STAG1: variants seen among roughly 807,000 people sequenced by gnomAD.
The protein encoded by STAG1 is STAG1 cohesin complex component.
In STAG1, 26 loss-of-function variants were observed where a neutral mutation model predicts 170.9. That is an observed-to-expected ratio of 0.15 (90% CI 0.11 to 0.21). The LOEUF is 0.21. Ranked by LOEUF, STAG1 falls within the 10% of genes least tolerant of loss-of-function variation. STAG1 has a pLI of 1.00. For missense variants in STAG1, 964 were observed against 1,509.5 expected, an observed-to-expected ratio of 0.64 and a Z score of 5.99; for synonymous variants, 514 against 497.7, an observed-to-expected ratio of 1.03 and a Z score of -0.44.
At chr3:136,660,941 C>G (rs1435862208) in intron 1 of STAG1, among the ~76,000 whole-genome samples, 2 of 152,004 alleles carry the variant, frequency 1.3e-5, no homozygotes, top group South Asian at 2.1e-4. Context: ...TGCACTCCAG[C>G]CTGGGCAACA....
intron 9 of STAG1, among the ~76,000 whole-genome samples, chr3:136,489,655 A>G (rs1267706338): frequency 2.0e-5 from 3 of 152,228 alleles, no homozygotes; most frequent in Non-Finnish European, 4.4e-5. Context: ...GAAAAAAAAA[A>G]TCACATTTTC....
At chr3:136,632,305 T>C (rs930808265) in intron 1 of STAG1, among the ~76,000 whole-genome samples, 5 of 152,120 alleles carry the variant, frequency 3.3e-5, no homozygotes, top group African/African-American at 4.8e-5. Flanking sequence ...TAATAAAACT[T>C]ACAAAGAGAG....
At chr3:136,539,668 T>C (rs1350446825) in intron 6 of STAG1, among the ~76,000 whole-genome samples, 1 of 152,230 alleles carries the variant, frequency 6.6e-6, no homozygotes, top group Non-Finnish European at 1.5e-5. Context: ...GAGCGAAGTG[T>C]ATGTATTGAC....
chr3:136,703,924 A>G (rs561958052), intron 1 of STAG1, among the ~76,000 whole-genome samples: 2 of 152,100 alleles, frequency 1.3e-5, no homozygotes, highest in African/African-American at 4.8e-5. Context: ...AAGCAGGAGA[A>G]TCGCTTGAAC....
intron 23 of STAG1, among the ~76,000 whole-genome samples, chr3:136,376,005 T>TAAAATAAAATAAAATAAAATA (rs1553796051): frequency 8.6e-4 from 55 of 63,910 alleles, no homozygotes; most frequent in East Asian, 1.9e-3. Flanking sequence ...AATAAATAAA[T>TAAAATAAAATAAAATAAAATA]AAATAATTAA....
At chr3:136,377,632 T>C (rs1356506477) in intron 23 of STAG1, 28 bp downstream of exon 23, 1 of 1,568,544 alleles carries the variant, frequency 6.4e-7, no homozygotes, top group South Asian at 1.1e-5. Context: ...GTTGATTTTA[T>C]TGAGAGCTCT....
chr3:136,562,528 C>T (rs1201233062), intron 5 of STAG1, among the ~76,000 whole-genome samples: 1 of 151,746 alleles, frequency 6.6e-6, no homozygotes, highest in Non-Finnish European at 1.5e-5. Context: ...TAAGATCATG[C>T]ACTGCAGCCA....
chr3:136,648,822 A>G (rs1941119174), intron 1 of STAG1, among the ~76,000 whole-genome samples: 1 of 152,176 alleles, frequency 6.6e-6, no homozygotes, highest in Non-Finnish European at 1.5e-5. Context: ...GTCCTGTTGA[A>G]TATTTCAATA....
chr3:136,562,301 C>T (rs909877450), intron 5 of STAG1, among the ~76,000 whole-genome samples: 8 of 150,824 alleles, frequency 5.3e-5, no homozygotes, highest in Non-Finnish European at 1.2e-4. Flanking sequence ...GCTCCTGTTG[C>T]CCAGCCTGGA....
intron 1 of STAG1, among the ~76,000 whole-genome samples, chr3:136,729,570 CTTTTTTTTTT>C (rs34078029): frequency 3.2e-5 from 3 of 94,664 alleles, no homozygotes; most frequent in Non-Finnish European, 5.7e-5. Context: ...TGTAGTTTTC[CTTTTTTTTTT>C]TTTTTTTTTT....
intron 1 of STAG1, among the ~76,000 whole-genome samples, chr3:136,714,128 T>C (rs1268852218): frequency 1.3e-5 from 2 of 151,742 alleles, no homozygotes; most frequent in Non-Finnish European, 2.9e-5. Context: ...CCCAGAGCCA[T>C]GATTGCATCA....
intron 2 of STAG1, among the ~76,000 whole-genome samples, chr3:136,623,882 G>A (rs1431921241): frequency 4.6e-5 from 7 of 152,112 alleles, no homozygotes; most frequent in Admixed American, 2.0e-4. Flanking sequence ...TTGAACCCGC[G>A]GAGGTTGCAG....
At chr3:136,694,178 T>C (rs1942809822) in intron 1 of STAG1, among the ~76,000 whole-genome samples, 1 of 152,172 alleles carries the variant, frequency 6.6e-6, no homozygotes, top group Non-Finnish European at 1.5e-5. Flanking sequence ...AGGATAACCC[T>C]ATGTAAATTC....
At chr3:136,744,876 A>G (rs898412598) in intron 1 of STAG1, among the ~76,000 whole-genome samples, 2 of 152,118 alleles carry the variant, frequency 1.3e-5, no homozygotes, top group Non-Finnish European at 1.5e-5. Context: ...GGGTTTCGCC[A>G]TGTTGGCCAC....
At chr3:136,705,237 G>A (rs893317975) in intron 1 of STAG1, among the ~76,000 whole-genome samples, 3 of 152,060 alleles carry the variant, frequency 2.0e-5, no homozygotes, top group South Asian at 2.1e-4. Context: ...TTAGCCACAC[G>A]TGGTGGCATG....
chr3:136,494,687 C>T lies in STAG1; in HGVS notation c.902+5536G>A, dbSNP rs74806928. Among the ~76,000 whole-genome samples the T allele has an allele frequency of 6.4e-3, 980 of 152,060 alleles. 12 individuals are homozygous for T. The highest frequency in any genetic ancestry group is 0.022 in the African/African-American group (932 of 41,492). ...TAATAAAAGAAAAAACCTGCATGAC[C>T]ACCTCATTCAAAACAGAAAAAATAA... On this transcript the variant is annotated intron_variant, in intron 9 of 33. Transcript: ENST00000383202.
intron 7 of STAG1, among the ~76,000 whole-genome samples, chr3:136,515,252 C>T (rs1216418371): frequency 2.0e-5 from 3 of 152,060 alleles, no homozygotes; most frequent in African/African-American, 7.2e-5. Flanking sequence ...GCAGTCCCAG[C>T]TACTCGGGAG....
chr3:136,500,167 A>T (rs1299201142), intron 9 of STAG1, 56 bp downstream of exon 9: 2 of 1,200,258 alleles, frequency 1.7e-6, no homozygotes, highest in Middle Eastern at 2.0e-4. Context: ...GGCCACAAAA[A>T]AAATCAATAA....
intron 9 of STAG1, among the ~76,000 whole-genome samples, chr3:136,491,357 G>T (rs914226635): frequency 6.6e-6 from 1 of 152,096 alleles, no homozygotes; most frequent in African/African-American, 2.4e-5. Context: ...ATATCAGAAA[G>T]GTCCGTCCAT....
Sources: gnomAD v4.1 joint callset for allele counts (sites outside exome capture counted in the v4.1 genomes callset) on GRCh38, gnomAD v4.1.1 for gene constraint, MANE v1.5 for transcripts, NCBI Gene and HGNC (gene_info 2026-07-23, HGNC 2026-07-21) for gene names.